SLC67A2: variants seen among roughly 807,000 people sequenced by gnomAD.
SLC67A2 encodes solute carrier family 67 member 2.
At chr2:102,735,250 A>T in the SLC67A2 span, among the ~76,000 whole-genome samples, 5 of 152,224 alleles carry the variant, frequency 3.3e-5, no homozygotes, top group African/African-American at 1.2e-4. Flanking sequence ...AATGGCCTAG[A>T]GGCAGAGAAA....
At chr2:102,715,004 A>G in the SLC67A2 span, among the ~76,000 whole-genome samples, 26 of 152,268 alleles carry the variant, frequency 1.7e-4, no homozygotes, top group African/African-American at 6.3e-4. Flanking sequence ...GAAATTCCTC[A>G]AAGCTGCACA....
chr2:102,725,053 G>A, the SLC67A2 span, among the ~76,000 whole-genome samples: 3 of 152,228 alleles, frequency 2.0e-5, no homozygotes, highest in African/African-American at 7.2e-5. Context: ...ACTGTGGTAA[G>A]AGTATCCCGT....
the SLC67A2 span, chr2:102,716,370 A>G: frequency 6.6e-6 from 1 of 152,234 alleles, no homozygotes; most frequent in Admixed American, 6.5e-5. Flanking sequence ...ATTCTATTTC[A>G]TTGCATAAAC....
the SLC67A2 span, chr2:102,736,641 C>G: frequency 3.1e-6 from 5 of 1,613,846 alleles, no homozygotes; most frequent in East Asian, 1.1e-4. Flanking sequence ...CACGCTCGCA[C>G]TCACCAAGAA....
the SLC67A2 span, chr2:102,718,759 G>A: frequency 6.2e-7 from 1 of 1,613,822 alleles, no homozygotes; most frequent in East Asian, 2.2e-5. Flanking sequence ...GCAGCAGTGT[G>A]CAGGTGAGTA....
At chr2:102,718,558 G>A in the SLC67A2 span, 12 of 1,612,964 alleles carry the variant, frequency 7.4e-6, no homozygotes, top group Non-Finnish European at 1.0e-5. Flanking sequence ...CAACCCCCGA[G>A]AGGAGAGGGG....
chr2:102,730,985 A>T, the SLC67A2 span: 1 of 1,589,790 alleles, frequency 6.3e-7, no homozygotes, highest in Non-Finnish European at 8.6e-7. Context: ...CCCCAATTTT[A>T]CTACATCTGT....
At chr2:102,721,588 C>T in the SLC67A2 span, among the ~76,000 whole-genome samples, 4 of 152,134 alleles carry the variant, frequency 2.6e-5, no homozygotes, top group South Asian at 8.3e-4. Flanking sequence ...CAGCCATGCA[C>T]CACTCTCTAA....
chr2:102,733,454 T>C, the SLC67A2 span, among the ~76,000 whole-genome samples: 1 of 152,192 alleles, frequency 6.6e-6, no homozygotes, highest in East Asian at 1.9e-4. Context: ...TTCCACATAC[T>C]CTTTTCAGTG....
chr2:102,736,327 G>A, the SLC67A2 span, among the ~76,000 whole-genome samples: 513 of 152,096 alleles, frequency 3.4e-3, 6 homozygotes, highest in African/African-American at 0.012. Context: ...TCTCCGCCCT[G>A]CAAAAGCTGC....
the SLC67A2 span, among the ~76,000 whole-genome samples, chr2:102,724,416 C>T: frequency 6.6e-6 from 1 of 152,202 alleles, no homozygotes; most frequent in Non-Finnish European, 1.5e-5. Context: ...ATAGCACCAT[C>T]ACTGAACCAA....
At chr2:102,736,598 G>A in the SLC67A2 span, 1 of 1,613,460 alleles carries the variant, frequency 6.2e-7, no homozygotes, top group Non-Finnish European at 8.5e-7. Flanking sequence ...GGGTCCCCAG[G>A]CCCGAACACA....
chr2:102,723,786 G>GGCCC, the SLC67A2 span: 2 of 1,614,034 alleles, frequency 1.2e-6, no homozygotes, highest in African/African-American at 2.7e-5. Context: ...ACCGACCACG[G>GGCCC]GGCCCAAGAT....
the SLC67A2 span, chr2:102,736,872 C>G: frequency 1.3e-6 from 2 of 1,500,334 alleles, no homozygotes; most frequent in South Asian, 1.3e-5. Context: ...GAGCCCAGCC[C>G]CGCCCCGAGC....
chr2:102,721,033 T>C, the SLC67A2 span, among the ~76,000 whole-genome samples: 11 of 152,160 alleles, frequency 7.2e-5, no homozygotes, highest in Admixed American at 5.9e-4. Flanking sequence ...TATCCTCAAG[T>C]TTCTTATGTT....
the SLC67A2 span, chr2:102,736,853 C>T: frequency 2.6e-6 from 4 of 1,554,850 alleles, no homozygotes; most frequent in Non-Finnish European, 3.5e-6. Context: ...AGCCGCGGAC[C>T]TACCCCGGGA....
the SLC67A2 span, chr2:102,732,427 C>T: frequency 1.3e-6 from 2 of 1,580,664 alleles, no homozygotes; most frequent in Non-Finnish European, 8.6e-7. Flanking sequence ...AAAATAAATG[C>T]TGATGGACTC....
chr2:102,736,505 G>A, the SLC67A2 span: 2 of 1,564,254 alleles, frequency 1.3e-6, no homozygotes, highest in East Asian at 2.3e-5. Flanking sequence ...CAAGAGGAGA[G>A]CTTGATAGGT....
At chr2:102,736,642 T>C in the SLC67A2 span, 1 of 1,613,678 alleles carries the variant, frequency 6.2e-7, no homozygotes, top group Non-Finnish European at 8.5e-7. Context: ...ACGCTCGCAC[T>C]CACCAAGAAG....
Sources: gnomAD v4.1 joint callset for allele counts (sites outside exome capture counted in the v4.1 genomes callset) on GRCh38, gnomAD v4.1.1 for gene constraint, MANE v1.5 for transcripts, NCBI Gene and HGNC (gene_info 2026-07-23, HGNC 2026-07-21) for gene names.